The following WDR49 variants were observed in gnomAD, a reference collection of about 807,000 sequenced individuals.
WDR49 encodes the protein WD repeat domain 49.
A neutral mutation model predicts 119.5 loss-of-function variants in WDR49; 107 were observed. The observed-to-expected ratio is 0.90, with a 90% confidence interval of 0.77 to 1.05. WDR49 has a LOEUF of 1.05. Among genes scored for constraint, WDR49 ranks in the 50% least tolerant of loss-of-function variants. The pLI, the probability that WDR49 is intolerant of heterozygous loss-of-function variation, is 0.00. For synonymous variants in WDR49, 425 were observed against 418.8 expected (o/e 1.01, Z -0.18); for missense variants, 1,240 against 1,220.5 (o/e 1.02, Z -0.24).
rs1231890150 is a variant in WDR49 at position 167,536,869 on chromosome 3, C to T, written c.1954+1G>A. The stretch of plus-strand genomic sequence containing the variant: ...GATTGTCAAGTGAAAGTTCAATTTA[C>T]CCGTAACAAGAGTTTGTGGAGGTAA... On this transcript the variant is annotated splice_donor_variant, in intron 11 of 18. Coordinates refer to ENST00000682715, the MANE Select transcript of WDR49 (RefSeq NM_001366157.1). LOFTEE classifies it high-confidence loss of function. 3.4e-6 allele frequency: 5 copies of T among 1,488,154 alleles called. No individual in the cohort carries two copies. The highest frequency in any genetic ancestry group is 2.5e-5 in the East Asian group (1 of 39,218). 92.2% of individuals were successfully genotyped at this position (1,488,154 alleles called of 1,614,324 possible).
chr3:167,649,339 C>T (rs1325743161), intron 2 of WDR49, among the ~76,000 whole-genome samples: 1 of 152,068 alleles, frequency 6.6e-6, no homozygotes, highest in Non-Finnish European at 1.5e-5. Flanking sequence ...AAGGCCCAAT[C>T]TGACTTTCTA....
intron 6 of WDR49, 47 bp downstream of exon 6, chr3:167,604,254 A>G (rs748575441): frequency 6.2e-7 from 1 of 1,601,092 alleles, no homozygotes. Flanking sequence ...TATACATCCC[A>G]GACTATTTAT....
At chr3:167,579,351 C>T (rs1714419628) in intron 7 of WDR49, among the ~76,000 whole-genome samples, 1 of 152,078 alleles carries the variant, frequency 6.6e-6, no homozygotes, top group Non-Finnish European at 1.5e-5. Flanking sequence ...ACAACACTCC[C>T]ACAAAAAAGT....
At chr3:167,527,046 A>G (rs1752662071) in intron 15 of WDR49, among the ~76,000 whole-genome samples, 1 of 152,140 alleles carries the variant, frequency 6.6e-6, no homozygotes, top group Admixed American at 6.6e-5. Flanking sequence ...TATGAGACTA[A>G]ATATTTCCTT....
intron 5 of WDR49, 44 bp from the exon 6 acceptor site, chr3:167,604,512 T>A (rs184126916): frequency 4.5e-4 from 677 of 1,504,744 alleles, no homozygotes; most frequent in Non-Finnish European, 5.4e-4. Context: ...TAGTTGATTC[T>A]TCACAAGATA....
At chr3:167,537,537 C>T (rs1711536685) in intron 10 of WDR49, among the ~76,000 whole-genome samples, 1 of 152,078 alleles carries the variant, frequency 6.6e-6, no homozygotes, top group African/African-American at 2.4e-5. Flanking sequence ...ATTTGTGGAA[C>T]ATACTTGGAA....
intron 17 of WDR49, among the ~76,000 whole-genome samples, chr3:167,500,753 A>T (rs1751530370): frequency 1.3e-5 from 2 of 152,342 alleles, no homozygotes; most frequent in Admixed American, 6.5e-5. Context: ...TATTGTATTT[A>T]TTATGCACAC....
At chr3:167,511,976 G>T (rs1751993450) in intron 16 of WDR49, among the ~76,000 whole-genome samples, 2 of 147,110 alleles carry the variant, frequency 1.4e-5, no homozygotes, top group South Asian at 4.1e-4. Flanking sequence ...TGGAGCCCCT[G>T]GGGGAAACAG....
At chr3:167,532,645 A>C (rs1752889952) in intron 12 of WDR49, among the ~76,000 whole-genome samples, 1 of 152,194 alleles carries the variant, frequency 6.6e-6, no homozygotes, top group African/African-American at 2.4e-5. Context: ...GGTAGTTCAG[A>C]AATACCAATG....
At chr3:167,561,595 G>T (rs903506491) in intron 8 of WDR49, among the ~76,000 whole-genome samples, 1 of 152,150 alleles carries the variant, frequency 6.6e-6, no homozygotes, top group Non-Finnish European at 1.5e-5. Context: ...TTGCTGGAGT[G>T]GGGGATTGGG....
intron 10 of WDR49, among the ~76,000 whole-genome samples, chr3:167,549,271 C>G (rs1319265731): frequency 1.3e-5 from 2 of 152,022 alleles, no homozygotes; most frequent in Non-Finnish European, 2.9e-5. Context: ...TCGCCACACT[C>G]TCTTCCACAA....
At chr3:167,593,190 T>C (rs932462481) in intron 7 of WDR49, among the ~76,000 whole-genome samples, 45 of 152,148 alleles carry the variant, frequency 3.0e-4, no homozygotes, top group Non-Finnish European at 4.4e-5. Flanking sequence ...GAATAAACTT[T>C]CTACCTTGTT....
At chr3:167,515,821 G>A (rs557598403) in intron 16 of WDR49, among the ~76,000 whole-genome samples, 5 of 152,146 alleles carry the variant, frequency 3.3e-5, no homozygotes, top group Non-Finnish European at 2.9e-5. Flanking sequence ...AAAATCACAA[G>A]CACTCCTATA....
chr3:167,487,766 A>T (rs1346314684), intron 18 of WDR49, among the ~76,000 whole-genome samples: 1 of 152,108 alleles, frequency 6.6e-6, no homozygotes, highest in East Asian at 1.9e-4. Flanking sequence ...GCCAAGAAAC[A>T]TATGAAAATT....
intron 12 of WDR49, 47 bp from the exon 13 acceptor site, chr3:167,531,326 C>T (rs755362058): frequency 3.8e-6 from 6 of 1,596,058 alleles, no homozygotes; most frequent in Non-Finnish European, 5.1e-6. Flanking sequence ...AAAATATCTG[C>T]TTTTCAAACT....
chr3:167,566,772 A>C (rs1713626152), intron 8 of WDR49: 2 of 578,638 alleles, frequency 3.5e-6, no homozygotes, highest in Non-Finnish European at 6.2e-6. Flanking sequence ...ACAACAAAGT[A>C]AGCTAGAGAA....
At chr3:167,576,572 A>G (rs1714264190) in intron 7 of WDR49, among the ~76,000 whole-genome samples, 1 of 152,162 alleles carries the variant, frequency 6.6e-6, no homozygotes, top group Non-Finnish European at 1.5e-5. Context: ...GGTGAGTCCA[A>G]TCATAAGGGT....
At chr3:167,570,880 G>T (rs186030833) in intron 8 of WDR49, among the ~76,000 whole-genome samples, 2 of 152,110 alleles carry the variant, frequency 1.3e-5, no homozygotes, top group Non-Finnish European at 2.9e-5. Context: ...TACTAAAAAC[G>T]TGAAAAGTAG....
intron 15 of WDR49, among the ~76,000 whole-genome samples, chr3:167,525,019 C>T (rs1049798703): frequency 9.2e-5 from 14 of 151,988 alleles, no homozygotes; most frequent in South Asian, 2.1e-4. Flanking sequence ...TTCATGATAT[C>T]GATTCTTCCT....
Sources: allele counts gnomAD v4.1 joint callset (sites outside exome capture counted in the v4.1 genomes callset), GRCh38; gene constraint gnomAD v4.1.1; transcripts MANE v1.5; gene names NCBI Gene and HGNC (gene_info 2026-07-23, HGNC 2026-07-21).